The following SPNS3 variants were observed in gnomAD, a reference collection of about 807,000 sequenced individuals.
SPNS3 encodes SPNS lysolipid transporter 3, sphingosine-1-phosphate (putative).
SPNS3 carries 51 observed loss-of-function variants against 54.4 expected under a neutral mutation model. The ratio of observed to expected loss-of-function variants is 0.94; its 90% CI spans 0.75 to 1.18. The LOEUF is 1.18. Among genes scored for constraint, SPNS3 ranks in the 50% most tolerant of loss-of-function variants. The probability of loss-of-function intolerance (pLI) is 0.00; values close to 1 mark genes in which losing one functional copy is unlikely to be tolerated. For missense variants in SPNS3, 669 were observed against 677.4 expected (o/e 0.99, Z 0.14); for synonymous variants, 309 against 294.7 (o/e 1.05, Z -0.50).
At chr17:4,448,111 T>C in intron 5 of SPNS3, 44 bp from the exon 6 acceptor site, 9 of 1,530,004 alleles carry the variant, frequency 5.9e-6, no homozygotes, top group Non-Finnish European at 7.9e-6. Flanking sequence ...CCTTGGGCTG[T>C]GATAATATGC....
Position 4,468,747 on chromosome 17 carries a change from T to TTCTTTCTTTCTTTCTTTCTTTCTC in SPNS3, c.1114-9810_1114-9809insTTCTTTCTCTCTTTCTTTCTTTCT. On this transcript the variant is annotated intron_variant, in intron 8 of 11. Coordinates refer to ENST00000355530, the MANE Select transcript of SPNS3 (RefSeq NM_182538.5). ...TTTCTTTCTTTCTTTCTTTCTTTCT[T>TTCTTTCTTTCTTTCTTTCTTTCTC]TCTTTCTTTCTTTCTCTCTTTCTTT... Among the ~76,000 whole-genome samples, 9 of 142,970 alleles carry TTCTTTCTTTCTTTCTTTCTTTCTC rather than the reference T, an allele frequency of 6.3e-5. No homozygotes were observed. In the East Asian group the frequency reaches 1.2e-3, roughly 19 times the overall value. 93.8% of individuals were successfully genotyped at this position (142,970 alleles called of 152,430 possible).
intron 8 of SPNS3, among the ~76,000 whole-genome samples, chr17:4,464,454 G>A (rs539597639): frequency 6.6e-6 from 1 of 152,288 alleles, no homozygotes; most frequent in Admixed American, 6.5e-5. Flanking sequence ...TGGGCTTTGT[G>A]GTCAAGGTGG....
At chr17:4,468,773 T>TTTCTTTCTTTCTTTCTTTCTC (rs1555531917) in intron 8 of SPNS3, among the ~76,000 whole-genome samples, 15 of 103,348 alleles carry the variant, frequency 1.5e-4, no homozygotes, top group African/African-American at 4.9e-4. Flanking sequence ...CTCTTTCTTT[T>TTTCTTTCTTTCTTTCTTTCTC]TCTTTCTTTC....
At chr17:4,478,823 A>T (rs1972082224) in intron 9 of SPNS3, among the ~76,000 whole-genome samples, 186 bp downstream of exon 9, 1 of 152,132 alleles carries the variant, frequency 6.6e-6, no homozygotes. Flanking sequence ...CATCATCCCG[A>T]TTTTGCAGAT....
chr17:4,469,655 A>C (rs1971804109), intron 8 of SPNS3, among the ~76,000 whole-genome samples: 1 of 146,300 alleles, frequency 6.8e-6, no homozygotes, highest in Non-Finnish European at 1.5e-5. Flanking sequence ...TTGGATATGT[A>C]TGTGTCTGGA....
chr17:4,445,938 T>G, intron 3 of SPNS3, 110 bp from the exon 4 acceptor site: 1 of 1,300,930 alleles, frequency 7.7e-7, no homozygotes, highest in Non-Finnish European at 1.1e-6. Context: ...CTCTCCCTAC[T>G]CTGGGGTCCT....
chr17:4,456,097 G>A (rs1279267767), intron 8 of SPNS3, among the ~76,000 whole-genome samples: 1 of 152,026 alleles, frequency 6.6e-6, no homozygotes, highest in African/African-American at 2.4e-5. Flanking sequence ...GACTACAGGC[G>A]TGCACCACCA....
intron 1 of SPNS3, among the ~76,000 whole-genome samples, chr17:4,435,265 C>T (rs1970683947): frequency 6.6e-6 from 1 of 151,364 alleles, no homozygotes; most frequent in Non-Finnish European, 1.5e-5. Context: ...TCTACTAAAA[C>T]TACAAAAATT....
At position 4,486,242 on chromosome 17, in the gene SPNS3, CA is replaced by C; in HGVS notation, c.1195del (p.Arg399AspfsTer68). 6.4e-7 allele frequency: 1 copy of C among 1,564,758 alleles called. No individual in the cohort carries two copies. The highest frequency in any genetic ancestry group is 8.6e-7 in the Non-Finnish European group (1 of 1,159,230). On this transcript the variant is annotated frameshift_variant, in exon 10 of 12. Transcript: ENST00000355530. LOFTEE classifies it high-confidence loss of function. This position sits in a 1 kb window ranked among gnomAD's most constrained non-coding sequence, Gnocchi z 5.5. The stretch of plus-strand genomic sequence containing the variant: ...ATGTTTTGCAGTCTGTGGTGGTGCC[CA>C]GATGCCGGGGGACGGCAGAGGCACT... ...ADILLSVVVP[R>X]CRGTAEALQI...
intron 2 of SPNS3, among the ~76,000 whole-genome samples, chr17:4,441,585 A>G (rs1970848891): frequency 6.6e-6 from 1 of 151,438 alleles, no homozygotes; most frequent in African/African-American, 2.4e-5. Context: ...ATTTCCCTTC[A>G]CTGGTTCTTT....
chr17:4,444,842 C>T (rs981463594), intron 2 of SPNS3, 190 bp from the exon 3 acceptor site: 4 of 697,298 alleles, frequency 5.7e-6, no homozygotes, highest in Non-Finnish European at 9.7e-6. Context: ...GGCCTCCACA[C>T]TCTGGGCTGC....
At chr17:4,479,533 A>G (rs1972100676) in intron 9 of SPNS3, among the ~76,000 whole-genome samples, 1 of 152,200 alleles carries the variant, frequency 6.6e-6, no homozygotes, top group South Asian at 2.1e-4. Flanking sequence ...GCATACAGGG[A>G]AGGACTTTGA....
At chr17:4,480,231 C>T (rs1972115599) in intron 9 of SPNS3, among the ~76,000 whole-genome samples, 1 of 152,216 alleles carries the variant, frequency 6.6e-6, no homozygotes, top group Non-Finnish European at 1.5e-5. Context: ...CCCCTCCCTC[C>T]AGACAGGAGA....
chr17:4,441,618 C>T lies in SPNS3; in HGVS notation c.265+1895C>T, dbSNP rs147837855. Among the ~76,000 whole-genome samples the T allele has an allele frequency of 5.9e-5, 9 of 151,806 alleles. No homozygotes were observed. The East Asian group carries it at 1.2e-3, about 20-fold the overall frequency. Reference sequence around the variant, plus strand: ...TTTTTTTTTCCTTTTTTTCTTGAGACGGAGTTTTGCTCTTATTGCTCAGGC... The same window carrying T: ...TTTTTTTTTCCTTTTTTTCTTGAGATGGAGTTTTGCTCTTATTGCTCAGGC... On this transcript the variant is annotated intron_variant, in intron 2 of 11. Coordinates refer to ENST00000355530, the MANE Select transcript of SPNS3 (RefSeq NM_182538.5).
intron 7 of SPNS3, among the ~76,000 whole-genome samples, chr17:4,451,099 A>G (rs532819231): frequency 6.6e-6 from 1 of 152,046 alleles, no homozygotes; most frequent in Non-Finnish European, 1.5e-5. Flanking sequence ...TCTCATGAAT[A>G]TCTCGAGAAC....
In SPNS3 at chr17:4,487,805, G is replaced by C; in HGVS notation, c.1451-1G>C. 1 of 1,613,958 alleles carries C rather than the reference G, an allele frequency of 6.2e-7. No individual in the cohort carries two copies. The highest frequency in any genetic ancestry group is 1.1e-5 in the South Asian group (1 of 91,076). ...CAGGCTGAGCATCTTTCCTCCTGCA[G>C]GGACCCCAGACAGCAATGATGTGGA... On this transcript the variant is annotated splice_acceptor_variant, in intron 11 of 11. Coordinates refer to ENST00000355530, the MANE Select transcript of SPNS3 (RefSeq NM_182538.5). LOFTEE classifies it high-confidence loss of function.
At chr17:4,476,295 C>T (rs1971998983) in intron 8 of SPNS3, among the ~76,000 whole-genome samples, 1 of 152,216 alleles carries the variant, frequency 6.6e-6, no homozygotes, top group Non-Finnish European at 1.5e-5. Flanking sequence ...CGGGCGGCTT[C>T]TTCAGCCTGA....
At chr17:4,444,484 A>G (rs1423555981) in intron 2 of SPNS3, among the ~76,000 whole-genome samples, 1 of 151,746 alleles carries the variant, frequency 6.6e-6, no homozygotes, top group East Asian at 1.9e-4. Flanking sequence ...CAGCCTCCCA[A>G]AGTGCTGGGA....
At chr17:4,434,734 C>G (rs188079992) in intron 1 of SPNS3, among the ~76,000 whole-genome samples, 8 of 151,644 alleles carry the variant, frequency 5.3e-5, no homozygotes, top group Admixed American at 3.3e-4. Flanking sequence ...TCTCGAACTC[C>G]TGACCTCAGG....
Sources: allele counts gnomAD v4.1 joint callset (sites outside exome capture counted in the v4.1 genomes callset), GRCh38; gene constraint gnomAD v4.1.1; non-coding constraint Gnocchi (gnomAD v3.1); transcripts MANE v1.5; gene names NCBI Gene and HGNC (gene_info 2026-07-23, HGNC 2026-07-21).